The following WNK1 variants were observed in gnomAD, a reference collection of about 807,000 sequenced individuals.
WNK1 encodes the protein serine/threonine-protein kinase WNK1.
Under a neutral mutation model 222.8 loss-of-function variants are expected in WNK1, and 38 were observed. The ratio of observed to expected loss-of-function variants is 0.17; its 90% CI spans 0.13 to 0.22. The LOEUF (loss-of-function observed/expected upper bound fraction) is 0.22, where lower values mean the gene tolerates loss of function less well. Ranked by LOEUF, WNK1 falls within the 10% of genes least tolerant of loss-of-function variation. The pLI is 1.00. For synonymous variants in WNK1, 1,090 were observed against 1,092.9 expected (o/e 1.00, Z 0.05); for missense variants, 2,348 against 2,918.4 (o/e 0.80, Z 4.50).
intron 4 of WNK1, 128 bp from the exon 5 acceptor site, chr12:857,033 C>G: frequency 1.1e-6 from 1 of 900,870 alleles, no homozygotes; most frequent in East Asian, 2.6e-5. Context: ...TGGACCAACT[C>G]CTGCAGGCGA....
chr12:780,848 T>C (rs1203758578), intron 1 of WNK1, among the ~76,000 whole-genome samples: 2 of 152,222 alleles, frequency 1.3e-5, no homozygotes, highest in African/African-American at 2.4e-5. Context: ...GCCTTAAATA[T>C]GCTTCTTATC....
intron 1 of WNK1, among the ~76,000 whole-genome samples, chr12:767,250 T>G (rs972363321): frequency 3.1e-5 from 4 of 128,844 alleles, no homozygotes; most frequent in African/African-American, 1.2e-4. Context: ...TTTTTTTTTT[T>G]TTTTTTTTTT....
At position 879,791 on chromosome 12, in the gene WNK1, A is replaced by G. The variant is rs780515422; in HGVS notation, c.2592A>G (p.Thr864=). 3 of 1,613,718 alleles carry G rather than the reference A, an allele frequency of 1.9e-6. No homozygotes were observed. Among genetic ancestry groups the G allele is most frequent in the Non-Finnish European group, 2.5e-6 (3 of 1,179,966 alleles). The part of the protein sequence containing the change: ...AQTGFSSLPI[T]MAAGITQPLL... ...CAGGTTTCTCATCCCTTCCCATCACAATGGCAGCTGGCATTACTCAGCCTC... is the reference window on the plus strand; with the variant it reads ...CAGGTTTCTCATCCCTTCCCATCACGATGGCAGCTGGCATTACTCAGCCTC... The change falls in exon 11 of 28, where the codon ACA becomes ACG. Residue 864 remains threonine, a synonymous_variant. Coordinates refer to ENST00000315939, the MANE Select transcript of WNK1 (RefSeq NM_018979.4).
chr12:843,276 T>C lies in WNK1; in HGVS notation c.1311+13116T>C, dbSNP rs542617626. Among the ~76,000 whole-genome samples, 3 of 152,324 alleles carry C rather than the reference T, an allele frequency of 2.0e-5. No individual in the cohort carries two copies. The South Asian group carries it at 6.2e-4, about 32-fold the overall frequency. On this transcript the variant is annotated intron_variant, in intron 4 of 27. Transcript: ENST00000315939. ...TAGTTCAGCATGGTATCAGTAATCC[T>C]TTACACTCTTTAAAGTTATTGAGGA...
chr12:784,283 AT>A (rs1375267815), intron 1 of WNK1, among the ~76,000 whole-genome samples: 3 of 151,722 alleles, frequency 2.0e-5, no homozygotes, highest in East Asian at 1.9e-4. Context: ...TCTTGAAGGA[AT>A]TTTTTTTTAA....
At chr12:788,816 G>C (rs1944564535) in intron 1 of WNK1, among the ~76,000 whole-genome samples, 1 of 151,836 alleles carries the variant, frequency 6.6e-6, no homozygotes, top group South Asian at 2.1e-4. Context: ...GAACCCAGGA[G>C]GCGGAGGTTG....
chr12:898,408 G>A (rs1032968962), intron 25 of WNK1, among the ~76,000 whole-genome samples: 58 of 151,470 alleles, frequency 3.8e-4, no homozygotes, highest in African/African-American at 1.1e-3. Flanking sequence ...GCATGAGCCC[G>A]GGAGGCGGAG....
intron 8 of WNK1, among the ~76,000 whole-genome samples, 184 bp downstream of exon 8, chr12:862,454 T>C (rs1951290028): frequency 6.6e-6 from 1 of 152,248 alleles, no homozygotes; most frequent in South Asian, 2.1e-4. Context: ...TTAGCTGAAC[T>C]GCCTACATGA....
chr12:766,967 G>C (rs1941788655), intron 1 of WNK1, among the ~76,000 whole-genome samples: 1 of 151,938 alleles, frequency 6.6e-6, no homozygotes, highest in South Asian at 2.1e-4. Flanking sequence ...AGTAGAGACA[G>C]GGTTTCAACA....
intron 1 of WNK1, among the ~76,000 whole-genome samples, chr12:799,694 A>G (rs11064540): frequency 0.12 from 18,948 of 151,760 alleles, 1,486 homozygotes; most frequent in Middle Eastern, 0.2. Flanking sequence ...GTTTTTATTT[A>G]TTTATTTTTT....
At chr12:861,844 T>C (rs1445096977) in intron 7 of WNK1, among the ~76,000 whole-genome samples, 1 of 152,220 alleles carries the variant, frequency 6.6e-6, no homozygotes, top group African/African-American at 2.4e-5. Flanking sequence ...TTATAGTGTT[T>C]CATGCTGTTT....
At chr12:857,445 G>T (rs75935370) in intron 5 of WNK1, among the ~76,000 whole-genome samples, 196 bp downstream of exon 5, 1 of 152,228 alleles carries the variant, frequency 6.6e-6, no homozygotes, top group Non-Finnish European at 1.5e-5. Flanking sequence ...GTAAAAATAT[G>T]GTTTGGTAGA....
At chr12:838,242 C>G (rs1949357092) in intron 4 of WNK1, among the ~76,000 whole-genome samples, 2 of 152,082 alleles carry the variant, frequency 1.3e-5, no homozygotes, top group Admixed American at 1.3e-4. Flanking sequence ...TCTGTTTTTA[C>G]TTCCTTTAGA....
intron 1 of WNK1, among the ~76,000 whole-genome samples, chr12:808,928 T>G (rs1176633343): frequency 6.6e-6 from 1 of 151,926 alleles, no homozygotes; most frequent in African/African-American, 2.4e-5. Flanking sequence ...CACGCCCGGC[T>G]AATTTTTGTA....
chr12:780,827 T>C (rs1943619742), intron 1 of WNK1, among the ~76,000 whole-genome samples: 2 of 152,214 alleles, frequency 1.3e-5, no homozygotes, highest in Middle Eastern at 3.2e-3. Context: ...TCCTGTCAGC[T>C]TTAGGCCCAT....
At chr12:847,780 T>C (rs1239576453) in intron 4 of WNK1, among the ~76,000 whole-genome samples, 1 of 151,602 alleles carries the variant, frequency 6.6e-6, no homozygotes, top group African/African-American at 2.4e-5. Context: ...AGTCAACTAG[T>C]TGAATTAATG....
chr12:886,225 C>T, intron 19 of WNK1, 141 bp downstream of exon 19: 1 of 757,496 alleles, frequency 1.3e-6, no homozygotes, highest in East Asian at 2.9e-5. Context: ...AAATTGACAG[C>T]AGTTTGAGGG....
At chr12:813,926 C>A in intron 2 of WNK1, 112 bp downstream of exon 2, 2 of 1,096,930 alleles carry the variant, frequency 1.8e-6, no homozygotes, top group Non-Finnish European at 2.7e-6. Context: ...AGGGAACAGT[C>A]CTTCCAACTG....
intron 4 of WNK1, among the ~76,000 whole-genome samples, chr12:838,095 G>C (rs2154035307): frequency 6.6e-6 from 1 of 151,884 alleles, no homozygotes; most frequent in African/African-American, 2.4e-5. Context: ...GTGTGTGTGT[G>C]TGTGTGTGTG....
Sources: allele counts gnomAD v4.1 joint callset (sites outside exome capture counted in the v4.1 genomes callset), GRCh38; gene constraint gnomAD v4.1.1; transcripts MANE v1.5; gene names NCBI Gene and HGNC (gene_info 2026-07-23, HGNC 2026-07-21).